Variants in PTPN11 observed in about 807,000 individuals in gnomAD.
The protein encoded by PTPN11 is tyrosine-protein phosphatase non-receptor type 11.
A neutral mutation model predicts 78.8 loss-of-function variants in PTPN11; 6 were observed. The ratio of observed to expected loss-of-function variants is 0.08; its 90% CI spans 0.04 to 0.15. The LOEUF is 0.15. Ranked by LOEUF, PTPN11 falls within the 10% of genes least tolerant of loss-of-function variation. The pLI, the probability that PTPN11 is intolerant of heterozygous loss-of-function variation, is 1.00. For synonymous variants in PTPN11, 221 were observed against 263.5 expected, an observed-to-expected ratio of 0.84 and a Z score of 1.56; for missense variants, 386 against 744.8, an observed-to-expected ratio of 0.52 and a Z score of 5.61.
chr12:112,480,719 ATCATTGAC>A (rs1057495054), intron 9 of PTPN11, among the ~76,000 whole-genome samples: 46 of 152,110 alleles, frequency 3.0e-4, no homozygotes, highest in African/African-American at 1.0e-3. Flanking sequence ...CTTTCAATTA[ATCATTGAC>A]TCATTGACTC....
At chr12:112,488,370 A>G in intron 11 of PTPN11, 73 bp from the exon 12 acceptor site, 1 of 1,191,128 alleles carries the variant, frequency 8.4e-7, no homozygotes, top group South Asian at 1.2e-5. Flanking sequence ...TGTTGATATT[A>G]ATGGCTTGGT....
intron 1 of PTPN11, among the ~76,000 whole-genome samples, chr12:112,436,191 AAGTT>A (rs1442900695): frequency 3.9e-5 from 6 of 152,186 alleles, no homozygotes; most frequent in African/African-American, 1.4e-4. Flanking sequence ...ATTAAATAAT[AAGTT>A]AGTTAATACT....
At chr12:112,478,455 C>T (rs1034123344) in intron 9 of PTPN11, among the ~76,000 whole-genome samples, 1 of 151,802 alleles carries the variant, frequency 6.6e-6, no homozygotes, top group Non-Finnish European at 1.5e-5. Context: ...GGACAGCAGT[C>T]ATACGTGTAT....
chr12:112,499,105 A>T (rs2038844131), intron 13 of PTPN11, among the ~76,000 whole-genome samples: 1 of 151,330 alleles, frequency 6.6e-6, no homozygotes, highest in South Asian at 2.1e-4. Context: ...AAGACAAAAA[A>T]CTTCAGAGAT....
At chr12:112,446,453 TA>T in intron 2 of PTPN11, 55 bp downstream of exon 2, 3 of 1,611,742 alleles carry the variant, frequency 1.9e-6, no homozygotes. Context: ...TAGGAAGTGG[TA>T]AAACCATGCT....
Position 112,439,271 on chromosome 12 carries a change from T to A in PTPN11, c.15-7005T>A, listed in dbSNP as rs576702064. On this transcript the variant is annotated intron_variant, in intron 1 of 15. Transcript: ENST00000351677. ...TTGGGGAGGGGATTGCCCTTTTTTTTAAACTTTTTAAAAAATTTATTCTTA... is the reference window on the plus strand; with the variant it reads ...TTGGGGAGGGGATTGCCCTTTTTTTAAAACTTTTTAAAAAATTTATTCTTA... Among the ~76,000 whole-genome samples, 235 of 152,244 alleles carry A rather than the reference T, an allele frequency of 1.5e-3. 1 individual carries two copies. The highest frequency in any genetic ancestry group is 2.2e-3 in the Non-Finnish European group (152 of 68,000).
intron 3 of PTPN11, among the ~76,000 whole-genome samples, chr12:112,452,517 C>T (rs1393940390): frequency 2.6e-5 from 4 of 151,162 alleles, no homozygotes; most frequent in African/African-American, 7.3e-5. Flanking sequence ...TGAGCCACCA[C>T]GTCCGGCCGA....
chr12:112,502,048 C>G, intron 13 of PTPN11, 96 bp from the exon 14 acceptor site: 1 of 926,848 alleles, frequency 1.1e-6, no homozygotes, highest in Non-Finnish European at 1.7e-6. Flanking sequence ...TTTTCTTTCT[C>G]CCTCTTTTTT....
chr12:112,501,998 G>T (rs1325479902), intron 13 of PTPN11, 146 bp from the exon 14 acceptor site: 13 of 673,670 alleles, frequency 1.9e-5, no homozygotes, highest in Non-Finnish European at 3.2e-5. Flanking sequence ...CTAACAATTT[G>T]GTCAATGTAT....
intron 13 of PTPN11, among the ~76,000 whole-genome samples, chr12:112,495,023 T>C (rs75524035): frequency 6.6e-6 from 1 of 152,178 alleles, no homozygotes; most frequent in South Asian, 2.1e-4. Context: ...ACTAGTGATA[T>C]TTTCAACTTA....
At position 112,507,982 on chromosome 12, in the gene PTPN11, T is replaced by C. The variant is rs1020898271; in HGVS notation, c.*2190T>C. ...TTTGCAGCAAGAAGCTTGAATGCTGTTCTTTTTATCGCATTGTTACATCGA... is the reference window on the plus strand; with the variant it reads ...TTTGCAGCAAGAAGCTTGAATGCTGCTCTTTTTATCGCATTGTTACATCGA... On this transcript the variant is annotated 3_prime_UTR_variant, in exon 16 of 16. Coordinates refer to ENST00000351677, the MANE Select transcript of PTPN11 (RefSeq NM_002834.5). 6 of 152,696 alleles carry C rather than the reference T, an allele frequency of 3.9e-5. No homozygotes were observed. Among genetic ancestry groups the C allele is most frequent in the Admixed American group, 3.9e-4 (6 of 15,288 alleles). 9.5% of individuals were successfully genotyped at this position (152,696 alleles called of 1,614,324 possible).
chr12:112,498,092 G>A (rs1490286085), intron 13 of PTPN11, among the ~76,000 whole-genome samples: 1 of 152,076 alleles, frequency 6.6e-6, no homozygotes, highest in Non-Finnish European at 1.5e-5. Flanking sequence ...GGCAGAGATT[G>A]CAGTGAGCCG....
At chr12:112,459,908 TAC>T (rs56846748) in intron 6 of PTPN11, among the ~76,000 whole-genome samples, 2,644 of 146,462 alleles carry the variant, frequency 0.018, 29 homozygotes, top group East Asian at 0.05. Context: ...TCCTGATTGC[TAC>T]ACACACACAC....
At chr12:112,456,187 C>T in intron 6 of PTPN11, 124 bp downstream of exon 6, 1 of 727,502 alleles carries the variant, frequency 1.4e-6, no homozygotes, top group Non-Finnish European at 2.5e-6. Context: ...TTTAATTCGG[C>T]CATTGATTGA....
intron 13 of PTPN11, among the ~76,000 whole-genome samples, chr12:112,492,764 G>C (rs995527066): frequency 6.6e-6 from 1 of 152,020 alleles, no homozygotes; most frequent in African/African-American, 2.4e-5. Context: ...TGATCTGCCC[G>C]CCTTGGCCTC....
chr12:112,450,527 A>C lies in PTPN11; in HGVS notation c.332+15A>C. On this transcript the variant is annotated intron_variant, in intron 3 of 15. Coordinates refer to ENST00000351677, the MANE Select transcript of PTPN11 (RefSeq NM_002834.5). ...ACCTCTGAAAGGTCAGTAACATTTT[A>C]GTGACCACAAAGTCTGCTGCTCCCT... 5 of 1,611,182 alleles carry C rather than the reference A, an allele frequency of 3.1e-6. No individual in the cohort carries two copies. The highest frequency in any genetic ancestry group is 4.2e-6 in the Non-Finnish European group (5 of 1,177,354).
chr12:112,481,735 G>T lies in PTPN11; in HGVS notation c.1093-339G>T, dbSNP rs548167489. Among the ~76,000 whole-genome samples the T allele has an allele frequency of 2.6e-5, 4 of 152,232 alleles. No homozygotes were observed. In the East Asian group the frequency reaches 7.7e-4, roughly 29 times the overall value. ...TCAAACCTCTGGTCTCAAGTGATCT[G>T]CCCGCCTCGGCCACCCGAACTGCTG... On this transcript the variant is annotated intron_variant, in intron 9 of 15. Transcript: ENST00000351677.
At chr12:112,470,401 A>G (rs1162311485) in intron 6 of PTPN11, among the ~76,000 whole-genome samples, 1 of 152,206 alleles carries the variant, frequency 6.6e-6, no homozygotes, top group Non-Finnish European at 1.5e-5. Context: ...CTTTGGGGGT[A>G]GAAAGGATTG....
rs2038933284 is a variant in PTPN11 at position 112,506,229 on chromosome 12, T to C, written c.*437T>C. 6.6e-6 allele frequency: 1 copy of C among 152,094 alleles called. No homozygotes were observed. The highest frequency in any genetic ancestry group is 1.9e-4 in the East Asian group (1 of 5,198). 9.4% of individuals were successfully genotyped at this position (152,094 alleles called of 1,614,324 possible). On this transcript the variant is annotated 3_prime_UTR_variant, in exon 16 of 16. Coordinates refer to ENST00000351677, the MANE Select transcript of PTPN11 (RefSeq NM_002834.5). The stretch of plus-strand genomic sequence containing the variant: ...GATGAGAAGAAATGATTTGGGAAAA[T>C]TAAGTAACAACGACCTAGAAAAGTG...
Sources: allele counts gnomAD v4.1 joint callset (sites outside exome capture counted in the v4.1 genomes callset), GRCh38; gene constraint gnomAD v4.1.1; transcripts MANE v1.5; gene names NCBI Gene and HGNC (gene_info 2026-07-23, HGNC 2026-07-21).